The following INPP1 variants were observed in gnomAD, a reference collection of about 807,000 sequenced individuals.
INPP1 encodes the protein inositol polyphosphate 1-phosphatase.
INPP1 carries 18 observed loss-of-function variants against 23.0 expected under a neutral mutation model. The ratio of observed to expected loss-of-function variants is 0.78; its 90% CI spans 0.54 to 1.16. INPP1 has a LOEUF of 1.16. Among genes scored for constraint, INPP1 ranks in the 50% most tolerant of loss-of-function variants. INPP1 has a pLI of 0.00. For synonymous variants in INPP1, 164 were observed against 176.3 expected, an observed-to-expected ratio of 0.93 and a Z score of 0.55; for missense variants, 448 against 482.1, an observed-to-expected ratio of 0.93 and a Z score of 0.66.
chr2:190,371,554 T>TAATTTC lies in INPP1; in HGVS notation c.*156_*161dup. ...TTCCATTATGTATTCATAATAATGTTAATTTCAATAAATGACATTCATGCA... is the reference window on the plus strand; with the variant it reads ...TTCCATTATGTATTCATAATAATGTTAATTTCAATTTCAATAAATGACATTCATGCA... On this transcript the variant is annotated 3_prime_UTR_variant, in exon 7 of 7. Coordinates refer to ENST00000392329, the MANE Select transcript of INPP1 (RefSeq NM_001128928.2). The surrounding 1 kb of genome is among the most constrained non-coding windows in gnomAD (Gnocchi z 5.3). 2.0e-6 allele frequency: 1 copy of TAATTTC among 501,948 alleles called. No individual in the cohort carries two copies. Among genetic ancestry groups the TAATTTC allele is most frequent in the East Asian group, 3.1e-5 (1 of 32,012 alleles). The allele number at this position is 501,948 out of a possible 1,614,324, so 31.1% of individuals were successfully genotyped here.
rs746149533 is a variant in INPP1 at position 190,371,225 on chromosome 2, T to C, written c.1023T>C (p.Asn341=). ...IVDLKECLER[N]PETGLDLPQL... ...ACTTGAAAGAATGCTTAGAAAGAAA[T>C]CCAGAAACAGGGCTTGATTTGCCAC... Residue 341 remains asparagine, a synonymous_variant, in exon 7 of 7, where the codon AAT becomes AAC. Transcript: ENST00000392329. This position sits in a 1 kb window ranked among gnomAD's most constrained non-coding sequence, Gnocchi z 5.3. 1.9e-6 allele frequency: 3 copies of C among 1,613,134 alleles called. No homozygotes were observed. The highest frequency in any genetic ancestry group is 3.3e-5 in the Admixed American group (2 of 59,966).
Position 190,363,186 on chromosome 2 carries a change from T to C in INPP1, c.265+499T>C, listed in dbSNP as rs1271502938. Among the ~76,000 whole-genome samples the C allele has an allele frequency of 6.6e-6, 1 of 152,218 alleles. No individual in the cohort carries two copies. The highest frequency in any genetic ancestry group is 1.9e-4 in the East Asian group (1 of 5,198). On this transcript the variant is annotated intron_variant, in intron 4 of 6. Coordinates refer to ENST00000392329, the MANE Select transcript of INPP1 (RefSeq NM_001128928.2). The surrounding 1 kb of genome is among the most constrained non-coding windows in gnomAD (Gnocchi z 4.4). ...ATTTCTCTAAGTCTCAGAACCTCTGTGAAGTACTTGGATTAACTAAAAGAT... is the reference window on the plus strand; with the variant it reads ...ATTTCTCTAAGTCTCAGAACCTCTGCGAAGTACTTGGATTAACTAAAAGAT...
rs1689203218 is a variant in INPP1, at chr2:190,345,757, G to A, written c.-209+1796G>A. Among the ~76,000 whole-genome samples, 1 of 152,348 alleles carries A rather than the reference G, an allele frequency of 6.6e-6. No homozygotes were observed. The highest frequency in any genetic ancestry group is 2.4e-5 in the African/African-American group (1 of 41,582). The stretch of plus-strand genomic sequence containing the variant: ...GCCTGTTATCCCTGCACTTTGGGAG[G>A]CCAAGGCAGGTGGATCACTTGAGGT... On this transcript the variant is annotated intron_variant, in intron 1 of 6. Coordinates refer to ENST00000392329, the MANE Select transcript of INPP1 (RefSeq NM_001128928.2). This position sits in a 1 kb window ranked among gnomAD's most constrained non-coding sequence, Gnocchi z 4.9.
rs1222857446 is a variant in INPP1 at position 190,369,168 on chromosome 2, G to A, written c.532G>A (p.Gly178Arg). ...IKSNQGIFPC[G>R]LQCVTILIGV... ...ATCCAACCAGGGAATCTTCCCCTGT[G>A]GACTTCAGTGTGTCACCATTTTAAT... Residue 178 changes from glycine (G) to arginine (R), a missense_variant, in exon 6 of 7, where the codon GGA (glycine) becomes AGA (arginine). Transcript: ENST00000392329. 1 of 1,609,094 alleles carries A rather than the reference G, an allele frequency of 6.2e-7. No individual in the cohort carries two copies. Among genetic ancestry groups the A allele is most frequent in the Non-Finnish European group, 8.5e-7 (1 of 1,175,914 alleles).
rs1689194723 is a variant in INPP1 at position 190,345,463 on chromosome 2, A to G, written c.-209+1502A>G. On this transcript the variant is annotated intron_variant, in intron 1 of 6. Transcript: ENST00000392329. The surrounding 1 kb of genome is among the most constrained non-coding windows in gnomAD (Gnocchi z 4.9). ...ATTTTGCTTTTTAATTCTGTCTCTA[A>G]TAACAGTTAGAAAATGTCTCATTCT... 6.6e-6 allele frequency: 1 copy of G among 152,244 alleles called. No homozygotes were observed. The highest frequency in any genetic ancestry group is 6.5e-5 in the Admixed American group (1 of 15,284). 9.4% of individuals were successfully genotyped at this position (152,244 alleles called of 1,614,324 possible).
intron 1 of INPP1, among the ~76,000 whole-genome samples, chr2:190,347,816 A>G (rs1475271067): frequency 6.6e-6 from 1 of 152,230 alleles, no homozygotes; most frequent in Non-Finnish European, 1.5e-5. Context: ...AATTGATGCC[A>G]TAATTTTTCA....
At chr2:190,360,380 C>A in intron 3 of INPP1, 74 bp downstream of exon 3, 1 of 1,306,002 alleles carries the variant, frequency 7.7e-7, no homozygotes, top group Non-Finnish European at 1.1e-6. Flanking sequence ...AATAGCATGC[C>A]TTTTGCTCCT....
At chr2:190,349,790 C>T (rs1351121800) in intron 2 of INPP1, among the ~76,000 whole-genome samples, 4 of 151,982 alleles carry the variant, frequency 2.6e-5, no homozygotes, top group Non-Finnish European at 5.9e-5. Flanking sequence ...AAAATATTTC[C>T]AACTATGGAA....
chr2:190,366,193 T>A, intron 4 of INPP1, among the ~76,000 whole-genome samples: 1 of 50,522 alleles, frequency 2.0e-5, no homozygotes, highest in Admixed American at 2.6e-4. Context: ...CTCTGTCTCT[T>A]GCTCTGTCTC....
intron 2 of INPP1, among the ~76,000 whole-genome samples, chr2:190,350,423 C>T (rs552623188): frequency 6.6e-6 from 1 of 152,336 alleles, no homozygotes; most frequent in South Asian, 2.1e-4. Flanking sequence ...TAAAAATCAG[C>T]TGACATTCCC....
At chr2:190,348,219 T>G (rs1313149957) in intron 1 of INPP1, among the ~76,000 whole-genome samples, 1 of 152,176 alleles carries the variant, frequency 6.6e-6, no homozygotes, top group Non-Finnish European at 1.5e-5. Flanking sequence ...GTGCCCTTCT[T>G]TAAACCTAAT....
chr2:190,347,885 C>G (rs941514426), intron 1 of INPP1, among the ~76,000 whole-genome samples: 7 of 152,214 alleles, frequency 4.6e-5, no homozygotes, highest in Non-Finnish European at 8.8e-5. Flanking sequence ...CGCCTGTAAT[C>G]CCAGCACTTT....
intron 2 of INPP1, among the ~76,000 whole-genome samples, chr2:190,357,471 A>G (rs1206924844): frequency 6.6e-6 from 1 of 152,232 alleles, no homozygotes; most frequent in Non-Finnish European, 1.5e-5. Flanking sequence ...AATGGATAAC[A>G]TACTCTCAAA....
At chr2:190,361,481 C>A (rs1689532887) in intron 3 of INPP1, among the ~76,000 whole-genome samples, 1 of 152,112 alleles carries the variant, frequency 6.6e-6, no homozygotes, top group Non-Finnish European at 1.5e-5. Context: ...CTCCGATAAA[C>A]TAAATGAAGC....
At chr2:190,369,017 A>G in intron 5 of INPP1, 86 bp from the exon 6 acceptor site, 1 of 740,602 alleles carries the variant, frequency 1.4e-6, no homozygotes. Flanking sequence ...ATTGGTTACC[A>G]AATCAGTAGA....
intron 3 of INPP1, among the ~76,000 whole-genome samples, chr2:190,361,165 C>T (rs1689527080): frequency 1.3e-5 from 2 of 152,174 alleles, no homozygotes; most frequent in Admixed American, 6.5e-5. Context: ...GGTTAAGTAA[C>T]TTGCCTAAGG....
chr2:190,365,813 C>T (rs1689633943), intron 4 of INPP1, among the ~76,000 whole-genome samples: 1 of 152,094 alleles, frequency 6.6e-6, no homozygotes, highest in Admixed American at 6.6e-5. Flanking sequence ...TGCTCTCTCG[C>T]TCTCTCTGTC....
intron 2 of INPP1, among the ~76,000 whole-genome samples, chr2:190,351,867 A>G (rs1021355949): frequency 6.6e-6 from 1 of 152,258 alleles, no homozygotes; most frequent in African/African-American, 2.4e-5. Context: ...CTTATAGTCA[A>G]CAAATTACAA....
chr2:190,371,289 G>A lies in INPP1; in HGVS notation c.1087G>A (p.Val363Met). The A allele has an allele frequency of 1.2e-6, 2 of 1,610,168 alleles. No homozygotes were observed. Among genetic ancestry groups the A allele is most frequent in the Non-Finnish European group, 8.5e-7 (1 of 1,177,494 alleles). Reference protein sequence around the residue: ...YHVENEGAAGVDRWANKGGLI... With the variant: ...YHVENEGAAGMDRWANKGGLI... ...CGTGGAAAATGAGGGTGCTGCTGGG[G>A]TGGATCGGTGGGCCAACAAGGGAGG... is the stretch of plus-strand genomic sequence containing the variant. The change falls in exon 7 of 7, where the codon GTG becomes ATG. Residue 363 changes from valine to methionine, a missense_variant. By Grantham distance (21) the Val-to-Met change is conservative. Coordinates refer to ENST00000392329, the MANE Select transcript of INPP1 (RefSeq NM_001128928.2). The surrounding 1 kb of genome is among the most constrained non-coding windows in gnomAD (Gnocchi z 5.3).
Sources: allele counts gnomAD v4.1 joint callset (sites outside exome capture counted in the v4.1 genomes callset), GRCh38; gene constraint gnomAD v4.1.1; non-coding constraint Gnocchi (gnomAD v3.1); transcripts MANE v1.5; gene names NCBI Gene and HGNC (gene_info 2026-07-23, HGNC 2026-07-21).